SORCS2: variants seen among roughly 807,000 people sequenced by gnomAD.
The protein encoded by SORCS2 is VPS10 domain-containing receptor SorCS2.
Under a neutral mutation model 141.6 loss-of-function variants are expected in SORCS2, and 100 were observed. The observed-to-expected ratio is 0.71, with a 90% CI of 0.60 to 0.83. SORCS2 has a LOEUF of 0.83. Ranked by LOEUF, SORCS2 falls within the 40% of genes least tolerant of loss-of-function variation. The pLI, the probability that SORCS2 is intolerant of heterozygous loss-of-function variation, is 0.00. For missense variants in SORCS2, 1,646 were observed against 1,560.2 expected (o/e 1.05, Z -0.93); for synonymous variants, 789 against 676.9 (o/e 1.17, Z -2.57).
chr4:7,726,384 C>T (rs1232746764), intron 20 of SORCS2, among the ~76,000 whole-genome samples: 1 of 152,120 alleles, frequency 6.6e-6, no homozygotes, highest in African/African-American at 2.4e-5. Flanking sequence ...ACCAACCTGG[C>T]TAACATGGTG....
chr4:7,652,843 A>G (rs923526307), intron 4 of SORCS2, among the ~76,000 whole-genome samples: 1 of 152,206 alleles, frequency 6.6e-6, no homozygotes, highest in African/African-American at 2.4e-5. Context: ...GGGCAGGGCC[A>G]GCTGTGTGAT....
chr4:7,735,410 G>A (rs4689845), intron 25 of SORCS2: 19,510 of 154,438 alleles, frequency 0.13, 1,308 homozygotes, highest in Middle Eastern at 0.18. Context: ...TTTCATGTGT[G>A]CCCCCGTTCC....
chr4:7,416,738 G>A (rs202112217), intron 2 of SORCS2, among the ~76,000 whole-genome samples: 1 of 146,322 alleles, frequency 6.8e-6, no homozygotes, highest in East Asian at 2.1e-4. Flanking sequence ...ACACACGCAT[G>A]CACACACACT....
intron 4 of SORCS2, among the ~76,000 whole-genome samples, chr4:7,641,777 A>AATGGATGG (rs56032853): frequency 0.053 from 4,158 of 78,978 alleles, 76 homozygotes; most frequent in South Asian, 0.1. Flanking sequence ...TGGATGGATA[A>AATGGATGG]ATGGATGGAT....
At chr4:7,652,814 G>T (rs994981411) in intron 4 of SORCS2, among the ~76,000 whole-genome samples, 9 of 152,180 alleles carry the variant, frequency 5.9e-5, no homozygotes, top group Non-Finnish European at 8.8e-5. Context: ...CATCTTATCC[G>T]GCCTTGGTTG....
At chr4:7,700,721 C>T (rs1282341596) in intron 12 of SORCS2, among the ~76,000 whole-genome samples, 1 of 152,202 alleles carries the variant, frequency 6.6e-6, no homozygotes, top group Non-Finnish European at 1.5e-5. Context: ...CGGGGGCAGA[C>T]AGGGCCGTGA....
intron 2 of SORCS2, among the ~76,000 whole-genome samples, chr4:7,428,045 G>C (rs114188497): frequency 0.012 from 1,865 of 152,262 alleles, 23 homozygotes; most frequent in Middle Eastern, 0.037. Flanking sequence ...CCATCTCCCT[G>C]AGTTTCCATA....
At chr4:7,405,125 T>C (rs1724887427) in intron 2 of SORCS2, among the ~76,000 whole-genome samples, 1 of 152,082 alleles carries the variant, frequency 6.6e-6, no homozygotes, top group Non-Finnish European at 1.5e-5. Flanking sequence ...TTTTTCCTAA[T>C]TATGTTTTTG....
chr4:7,445,538 C>A (rs1417194864), intron 2 of SORCS2, among the ~76,000 whole-genome samples: 1 of 152,066 alleles, frequency 6.6e-6, no homozygotes, highest in South Asian at 2.1e-4. Flanking sequence ...TGGAGCGGGG[C>A]CGAGGGGAAG....
At chr4:7,381,082 CAAA>C (rs397745880) in intron 1 of SORCS2, among the ~76,000 whole-genome samples, 2 of 103,966 alleles carry the variant, frequency 1.9e-5, no homozygotes. Flanking sequence ...ACTCTGTCTC[CAAA>C]AAAAAAAAAA....
chr4:7,627,663 A>T (rs1259653971), intron 3 of SORCS2, among the ~76,000 whole-genome samples: 1 of 152,200 alleles, frequency 6.6e-6, no homozygotes, highest in Non-Finnish European at 1.5e-5. Flanking sequence ...CCTTAGCAAA[A>T]TTCCTGGGTC....
chr4:7,447,168 G>A (rs906009963), intron 2 of SORCS2, among the ~76,000 whole-genome samples: 2 of 152,202 alleles, frequency 1.3e-5, no homozygotes, highest in African/African-American at 2.4e-5. Context: ...GGTTCCTTCC[G>A]AGGCTGTGAA....
At chr4:7,402,226 A>T (rs1381948261) in intron 2 of SORCS2, among the ~76,000 whole-genome samples, 1 of 152,174 alleles carries the variant, frequency 6.6e-6, no homozygotes, top group African/African-American at 2.4e-5. Flanking sequence ...AAAGAAATAC[A>T]CTATGATAGC....
At chr4:7,263,961 CACTG>C (rs1019895045) in intron 1 of SORCS2, among the ~76,000 whole-genome samples, 1 of 152,196 alleles carries the variant, frequency 6.6e-6, no homozygotes, top group Admixed American at 6.5e-5. Context: ...CTCATTCACT[CACTG>C]ACTCATTCAT....
intron 1 of SORCS2, among the ~76,000 whole-genome samples, chr4:7,256,394 A>G (rs1430214163): frequency 6.6e-6 from 1 of 152,282 alleles, no homozygotes; most frequent in East Asian, 1.9e-4. Context: ...TAAAAAACAA[A>G]AAACAAAACA....
At chr4:7,325,044 C>T (rs982545216) in intron 1 of SORCS2, among the ~76,000 whole-genome samples, 3 of 152,152 alleles carry the variant, frequency 2.0e-5, no homozygotes, top group African/African-American at 7.2e-5. Context: ...CGCACAGGAC[C>T]TTGGGCTGCA....
rs559142125 is a variant in SORCS2, at chr4:7,285,677, A to T, written c.480+92551A>T. On this transcript the variant is annotated intron_variant, in intron 1 of 26. Transcript: ENST00000507866. ...GGGAGGCGCCTATGCTCCCAGGAGG[A>T]TTTTCCTGGGGCCTCGTTCTTCCTT... 1.4e-4 allele frequency among the ~76,000 whole-genome samples: 22 copies of T among 152,220 alleles called. No homozygotes were observed. In the East Asian group the frequency reaches 4.3e-3, roughly 30 times the overall value.
At chr4:7,347,154 G>A (rs1040782524) in intron 1 of SORCS2, among the ~76,000 whole-genome samples, 8 of 152,160 alleles carry the variant, frequency 5.3e-5, no homozygotes, top group Non-Finnish European at 8.8e-5. Flanking sequence ...CAATGCCTTT[G>A]CCCAAGGGAA....
At chr4:7,647,544 A>T (rs1721158784) in intron 4 of SORCS2, among the ~76,000 whole-genome samples, 1 of 152,094 alleles carries the variant, frequency 6.6e-6, no homozygotes, top group South Asian at 2.1e-4. Flanking sequence ...TCTTCAGCTG[A>T]GGGGAAGAGA....
Sources: allele counts gnomAD v4.1 joint callset (sites outside exome capture counted in the v4.1 genomes callset), GRCh38; gene constraint gnomAD v4.1.1; transcripts MANE v1.5; gene names NCBI Gene and HGNC (gene_info 2026-07-23, HGNC 2026-07-21).